ACOXL: variants seen among roughly 807,000 people sequenced by gnomAD.
ACOXL encodes acyl-CoA oxidase like.
Under a neutral mutation model 71.9 loss-of-function variants are expected in ACOXL, and 70 were observed. The ratio of observed to expected loss-of-function variants is 0.97; its 90% CI spans 0.80 to 1.19. ACOXL has a LOEUF of 1.19. ACOXL is among the 50% of genes most tolerant of loss of function. ACOXL has a pLI of 0.00. For missense variants in ACOXL, 703 were observed against 736.3 expected (o/e 0.95, Z 0.52); for synonymous variants, 253 against 281.6 (o/e 0.90, Z 1.02).
intron 14 of ACOXL, among the ~76,000 whole-genome samples, chr2:111,014,054 A>C (rs780219324): frequency 3.9e-5 from 6 of 152,230 alleles, no homozygotes; most frequent in Non-Finnish European, 7.3e-5. Flanking sequence ...GTCTCAGCAG[A>C]GCAGAAATAG....
chr2:110,914,299 T>A (rs2059757846), intron 11 of ACOXL, among the ~76,000 whole-genome samples: 1 of 152,226 alleles, frequency 6.6e-6, no homozygotes, highest in African/African-American at 2.4e-5. Context: ...TATTTGTGAT[T>A]GCATTGAATC....
intron 11 of ACOXL, among the ~76,000 whole-genome samples, chr2:110,927,640 C>T (rs1051022517): frequency 6.6e-6 from 1 of 152,208 alleles, no homozygotes; most frequent in African/African-American, 2.4e-5. Flanking sequence ...GCAGCCTGGG[C>T]CCATCTTGTC....
At chr2:110,900,411 C>T (rs1310763712) in intron 10 of ACOXL, among the ~76,000 whole-genome samples, 1 of 152,198 alleles carries the variant, frequency 6.6e-6, no homozygotes, top group African/African-American at 2.4e-5. Context: ...ATGAAGCCTT[C>T]TATGCCTTGA....
intron 14 of ACOXL, among the ~76,000 whole-genome samples, chr2:111,024,993 T>C (rs2064952809): frequency 6.6e-6 from 1 of 151,982 alleles, no homozygotes; most frequent in African/African-American, 2.4e-5. Context: ...GCATATGTCA[T>C]ATAACCACCA....
chr2:110,749,258 C>A (rs1307026056), intron 1 of ACOXL, among the ~76,000 whole-genome samples: 1 of 152,174 alleles, frequency 6.6e-6, no homozygotes, highest in African/African-American at 2.4e-5. Flanking sequence ...GCACAAAGGT[C>A]ATTTTGTTGT....
At chr2:110,873,972 C>T (rs769934027) in intron 10 of ACOXL, among the ~76,000 whole-genome samples, 25 of 152,184 alleles carry the variant, frequency 1.6e-4, no homozygotes, top group South Asian at 4.1e-4. Flanking sequence ...CATCGGCCAG[C>T]CCTAGGGCCC....
chr2:110,988,929 T>C (rs2063056887), intron 13 of ACOXL, among the ~76,000 whole-genome samples: 1 of 151,366 alleles, frequency 6.6e-6, no homozygotes, highest in African/African-American at 2.4e-5. Flanking sequence ...CTCTTTATCC[T>C]TTGTTGTTAC....
chr2:111,036,237 C>T (rs904271319), intron 15 of ACOXL, among the ~76,000 whole-genome samples: 2 of 152,138 alleles, frequency 1.3e-5, no homozygotes, highest in Non-Finnish European at 2.9e-5. Context: ...TTGGCTGTGA[C>T]ACCTGTGTGC....
intron 16 of ACOXL, among the ~76,000 whole-genome samples, chr2:111,073,800 A>G (rs766854206): frequency 2.0e-5 from 3 of 152,110 alleles, no homozygotes. Context: ...CAGAAAATTC[A>G]TTGGTGATTT....
chr2:110,754,117 G>T (rs1679365316), intron 1 of ACOXL, among the ~76,000 whole-genome samples: 2 of 147,976 alleles, frequency 1.4e-5, no homozygotes, highest in African/African-American at 5.1e-5. Context: ...CTGTCACCCA[G>T]GCTGGAGTGC....
intron 16 of ACOXL, among the ~76,000 whole-genome samples, chr2:111,087,468 A>G (rs1416660401): frequency 6.6e-6 from 1 of 152,220 alleles, no homozygotes; most frequent in Non-Finnish European, 1.5e-5. Context: ...GACCAATGGT[A>G]CAGAATAGAG....
intron 16 of ACOXL, among the ~76,000 whole-genome samples, chr2:111,078,276 T>C (rs893492867): frequency 1.3e-5 from 2 of 152,100 alleles, no homozygotes; most frequent in Non-Finnish European, 2.9e-5. Flanking sequence ...CTTTCTTTCT[T>C]TTTTTTGAGA....
chr2:110,824,666 A>T (rs1688972833), intron 9 of ACOXL, among the ~76,000 whole-genome samples: 1 of 151,338 alleles, frequency 6.6e-6, no homozygotes, highest in Non-Finnish European at 1.5e-5. Context: ...ATTTTTGCTT[A>T]TTTCTTGTTT....
chr2:110,748,228 C>T (rs888889809), intron 1 of ACOXL, among the ~76,000 whole-genome samples: 6 of 152,206 alleles, frequency 3.9e-5, no homozygotes, highest in Middle Eastern at 3.4e-3. Context: ...TCCTACTTAG[C>T]GTGGTGCAGG....
At chr2:110,752,648 G>A (rs1295964098) in intron 1 of ACOXL, among the ~76,000 whole-genome samples, 1 of 151,608 alleles carries the variant, frequency 6.6e-6, no homozygotes, top group Non-Finnish European at 1.5e-5. Flanking sequence ...GTACATTTAC[G>A]ACTCATGCCT....
chr2:111,065,285 C>G (rs2067011236), intron 16 of ACOXL, among the ~76,000 whole-genome samples: 1 of 152,136 alleles, frequency 6.6e-6, no homozygotes, highest in African/African-American at 2.4e-5. Flanking sequence ...TTCTGGAATA[C>G]TTGAACATCC....
chr2:110,949,361 G>A (rs2061239333), intron 12 of ACOXL, among the ~76,000 whole-genome samples: 1 of 148,576 alleles, frequency 6.7e-6, no homozygotes, highest in African/African-American at 2.5e-5. Context: ...TTTTTCCCGG[G>A]CATCAACTGG....
intron 12 of ACOXL, among the ~76,000 whole-genome samples, chr2:110,960,129 C>A (rs2061646462): frequency 6.6e-6 from 1 of 152,050 alleles, no homozygotes; most frequent in Non-Finnish European, 1.5e-5. Flanking sequence ...AATGAGGGAG[C>A]CCCCATGGAG....
chr2:110,760,432 C>A (rs1490639239), intron 1 of ACOXL, among the ~76,000 whole-genome samples: 2 of 152,238 alleles, frequency 1.3e-5, no homozygotes, highest in African/African-American at 2.4e-5. Context: ...GCGTGAGCCA[C>A]CGCACCCAGC....
Sources: gnomAD v4.1 joint callset for allele counts (sites outside exome capture counted in the v4.1 genomes callset) on GRCh38, gnomAD v4.1.1 for gene constraint, MANE v1.5 for transcripts, NCBI Gene and HGNC (gene_info 2026-07-23, HGNC 2026-07-21) for gene names.